The following TNFSF8 variants were observed in gnomAD, a reference collection of about 807,000 sequenced individuals.
TNFSF8 encodes TNF superfamily member 8.
A neutral mutation model predicts 22.0 loss-of-function variants in TNFSF8; 4 were observed. The observed-to-expected ratio is 0.18, with a 90% CI of 0.09 to 0.42. The LOEUF (loss-of-function observed/expected upper bound fraction) is 0.42. TNFSF8 is among the 10% of genes least tolerant of loss of function. TNFSF8 has a pLI of 1.00. For missense variants in TNFSF8, 233 were observed against 281.8 expected, an observed-to-expected ratio of 0.83 and a Z score of 1.24; for synonymous variants, 106 against 112.5, an observed-to-expected ratio of 0.94 and a Z score of 0.37.
downstream of TNFSF8, among the ~76,000 whole-genome samples, chr9:114,897,156 C>A (rs1827664062): frequency 6.6e-6 from 1 of 152,208 alleles, no homozygotes; most frequent in Admixed American, 6.5e-5. Flanking sequence ...CCACCTTGCC[C>A]TCCCAAAGTG....
At chr9:114,907,678 A>G (rs1827801323) in intron 2 of TNFSF8, among the ~76,000 whole-genome samples, 1 of 152,138 alleles carries the variant, frequency 6.6e-6, no homozygotes, top group Admixed American at 6.5e-5. Flanking sequence ...TCCAATAGTA[A>G]TAATAACGAG....
At chr9:114,907,343 T>C (rs1050315987) in intron 2 of TNFSF8, among the ~76,000 whole-genome samples, 1 of 152,194 alleles carries the variant, frequency 6.6e-6, no homozygotes, top group Non-Finnish European at 1.5e-5. Context: ...TGATCAGTGC[T>C]CTGGTCCTGC....
intron 1 of TNFSF8, among the ~76,000 whole-genome samples, chr9:114,921,716 T>C (rs1026840082): frequency 6.6e-6 from 1 of 152,248 alleles, no homozygotes; most frequent in Non-Finnish European, 1.5e-5. Context: ...GTGAACTATC[T>C]TGCTCAATGA....
intron 2 of TNFSF8, among the ~76,000 whole-genome samples, chr9:114,913,021 C>T (rs750303825): frequency 2.0e-5 from 3 of 152,212 alleles, no homozygotes; most frequent in African/African-American, 4.8e-5. Context: ...AGGGTTAGGA[C>T]ATCTGGCTTG....
At position 114,904,038 on chromosome 9, in the gene TNFSF8, C is replaced by T; in HGVS notation, c.598G>A (p.Val200Ile). ...ACATTGACTGATATGGTGGTGTTGACCTGCAGGTAATCCAGCAAGAATTGA... is the reference window on the plus strand; with the variant it reads ...ACATTGACTGATATGGTGGTGTTGATCTGCAGGTAATCCAGCAAGAATTGA... ...LSQFLLDYLQ[V>I]NTTISVNVDT... Residue 200 changes from valine to isoleucine, a missense_variant, in exon 4 of 4, where the codon GTC becomes ATC. By Grantham distance (29) the Val-to-Ile change is conservative. Coordinates refer to ENST00000223795, the MANE Select transcript of TNFSF8 (RefSeq NM_001244.4). 1 of 1,614,130 alleles carries T rather than the reference C, an allele frequency of 6.2e-7. No homozygotes were observed. The highest frequency in any genetic ancestry group is 1.1e-5 in the South Asian group (1 of 91,088).
At position 114,901,324 on chromosome 9, in the gene TNFSF8, T is replaced by C. The variant is rs1827713767; in HGVS notation, c.*2607A>G. The C allele has an allele frequency of 3.0e-6, 3 of 985,312 alleles. No homozygotes were observed. The highest frequency in any genetic ancestry group is 2.3e-4 in the East Asian group (2 of 8,826). The allele number at this position is 985,312 out of a possible 1,614,324, so 61.0% of individuals were successfully genotyped here. A position where few individuals can be genotyped will look rare whatever the true frequency, so the allele number is the denominator to read the frequency against. On this transcript the variant is annotated 3_prime_UTR_variant, in exon 4 of 4. Coordinates refer to ENST00000223795, the MANE Select transcript of TNFSF8 (RefSeq NM_001244.4). ...TCAGTTGAGTTATTAATGATTATTC[T>C]CTTTTTTTGTTTGTTTGGTTACATT...
intron 2 of TNFSF8, among the ~76,000 whole-genome samples, chr9:114,913,776 G>A (rs1827881273): frequency 6.6e-6 from 1 of 152,140 alleles, no homozygotes; most frequent in African/African-American, 2.4e-5. Flanking sequence ...TATAAAATGG[G>A]GCTAATTATG....
chr9:114,917,219 C>T (rs1002196897), intron 2 of TNFSF8, among the ~76,000 whole-genome samples: 1 of 152,182 alleles, frequency 6.6e-6, no homozygotes, highest in Admixed American at 6.5e-5. Flanking sequence ...AACTCACTTC[C>T]TTACTTTTTG....
chr9:114,894,123 C>T, exon 5 of TNFSF8: 1 of 1,535,224 alleles, frequency 6.5e-7, no homozygotes, highest in South Asian at 1.2e-5. Context: ...TTCCCAGAGT[C>T]CAGGGTAGAG....
At position 114,902,667 on chromosome 9, in the gene TNFSF8, A is replaced by G; in HGVS notation, c.*1264T>C. 1 of 985,326 alleles carries G rather than the reference A, an allele frequency of 1.0e-6. No individual in the cohort carries two copies. The highest frequency in any genetic ancestry group is 1.2e-6 in the Non-Finnish European group (1 of 829,920). 61.0% of individuals were successfully genotyped at this position (985,326 alleles called of 1,614,324 possible). On this transcript the variant is annotated 3_prime_UTR_variant, in exon 4 of 4. Coordinates refer to ENST00000223795, the MANE Select transcript of TNFSF8 (RefSeq NM_001244.4). ...GCAGTCAGGTGTTACTAGTGTCTTC[A>G]ATTATATACTGGGGTAGGGGGGCCT...
chr9:114,921,979 G>A (rs1323517595), intron 1 of TNFSF8, among the ~76,000 whole-genome samples: 4 of 152,140 alleles, frequency 2.6e-5, no homozygotes, highest in Admixed American at 1.3e-4. Flanking sequence ...TTGTCTCCAG[G>A]TAAAATGACC....
chr9:114,897,762 A>G (rs1308828110), downstream of TNFSF8, among the ~76,000 whole-genome samples: 1 of 152,214 alleles, frequency 6.6e-6, no homozygotes, highest in Non-Finnish European at 1.5e-5. Context: ...ATCATAGAGC[A>G]CAAGGAGGTG....
At position 114,902,024 on chromosome 9, in the gene TNFSF8, C is replaced by T; in HGVS notation, c.*1907G>A. ...CTTGAGAAAAATGCAAATTTTGCTC[C>T]ATGTTTTGGTATAGCAGGGAAGCTT... On this transcript the variant is annotated 3_prime_UTR_variant, in exon 4 of 4. Transcript: ENST00000223795. 6 of 985,334 alleles carry T rather than the reference C, an allele frequency of 6.1e-6. No homozygotes were observed. In the South Asian group the frequency reaches 1.9e-4, roughly 31 times the overall value. The allele number at this position is 985,334 out of a possible 1,614,324, so 61.0% of individuals were successfully genotyped here. A position where few individuals can be genotyped will look rare whatever the true frequency, so the allele number is the denominator to read the frequency against.
intron 2 of TNFSF8, among the ~76,000 whole-genome samples, chr9:114,916,276 T>A (rs1018455625): frequency 6.6e-6 from 1 of 152,156 alleles, no homozygotes; most frequent in Non-Finnish European, 1.5e-5. Context: ...GGCTACCGTG[T>A]CCTTATTTTT....
Position 114,901,521 on chromosome 9 carries a change from C to CA in TNFSF8, c.*2409dup. The CA allele has an allele frequency of 1.0e-6, 1 of 985,116 alleles. No homozygotes were observed. The highest frequency in any genetic ancestry group is 1.2e-6 in the Non-Finnish European group (1 of 829,704). The allele number at this position is 985,116 out of a possible 1,614,324, so 61.0% of individuals were successfully genotyped here. On this transcript the variant is annotated 3_prime_UTR_variant, in exon 4 of 4. Coordinates refer to ENST00000223795, the MANE Select transcript of TNFSF8 (RefSeq NM_001244.4). Reference sequence around the variant, plus strand: ...TTTCTCGAGTTAGAATGTGAGATGGCAAAAAAATTGCTTAGTTAACACACA... The same window carrying CA: ...TTTCTCGAGTTAGAATGTGAGATGGCAAAAAAAATTGCTTAGTTAACACACA...
At chr9:114,928,989 C>T (rs1290873634) in intron 1 of TNFSF8, among the ~76,000 whole-genome samples, 3 of 152,182 alleles carry the variant, frequency 2.0e-5, no homozygotes, top group Non-Finnish European at 2.9e-5. Flanking sequence ...GAAAAGTAGG[C>T]ACTATGAAGT....
chr9:114,919,578 A>G (rs2131347832), intron 1 of TNFSF8, among the ~76,000 whole-genome samples: 1 of 152,316 alleles, frequency 6.6e-6, no homozygotes, highest in South Asian at 2.1e-4. Flanking sequence ...TATTTTATTC[A>G]TCTTTTGACC....
chr9:114,920,077 CA>C (rs930208532), intron 1 of TNFSF8, among the ~76,000 whole-genome samples: 1 of 152,204 alleles, frequency 6.6e-6, no homozygotes, highest in Non-Finnish European at 1.5e-5. Flanking sequence ...TGTAGTCTTT[CA>C]GTTATGCATG....
At chr9:114,915,299 A>T (rs957970736) in intron 2 of TNFSF8, among the ~76,000 whole-genome samples, 1 of 152,090 alleles carries the variant, frequency 6.6e-6, no homozygotes, top group East Asian at 1.9e-4. Context: ...AAAGAATTAT[A>T]GTCTCATAAA....
Sources: gnomAD v4.1 joint callset for allele counts (sites outside exome capture counted in the v4.1 genomes callset) on GRCh38, gnomAD v4.1.1 for gene constraint, MANE v1.5 for transcripts, NCBI Gene and HGNC (gene_info 2026-07-23, HGNC 2026-07-21) for gene names.